TNRC6A: variants seen among roughly 807,000 people sequenced by gnomAD.
The protein encoded by TNRC6A is trinucleotide repeat-containing gene 6A protein.
TNRC6A carries 44 observed loss-of-function variants against 221.2 expected under a neutral mutation model. That is an observed-to-expected ratio of 0.20 (90% CI 0.16 to 0.26). TNRC6A has a LOEUF of 0.26. TNRC6A is among the 10% of genes least tolerant of loss of function. The pLI is 1.00. For missense variants in TNRC6A, 2,199 were observed against 2,404.4 expected, an observed-to-expected ratio of 0.91 and a Z score of 1.79; for synonymous variants, 847 against 838.5, an observed-to-expected ratio of 1.01 and a Z score of -0.18.
rs181542127 is a variant in TNRC6A, at chr16:24,626,873, C to G, written n.277-14011C>G. Among the ~76,000 whole-genome samples the G allele has an allele frequency of 6.2e-3, 931 of 151,044 alleles. 7 individuals carry two copies. The highest frequency in any genetic ancestry group is 0.022 in the African/African-American group (897 of 41,220). On this transcript the variant is annotated intron_variant and non_coding_transcript_variant, in intron 1 of 2. Transcript: ENST00000566108. ...TTCACCATGTTAGCCAGGAAGGTCT[C>G]GATCTCCTGACCTCGTGATCCACCC...
chr16:24,797,512 A>G lies in TNRC6A; in HGVS notation c.3584A>G (p.Lys1195Arg). 1.2e-6 allele frequency: 2 copies of G among 1,611,128 alleles called. No individual in the cohort carries two copies. The highest frequency in any genetic ancestry group is 1.7e-6 in the Non-Finnish European group (2 of 1,179,228). The change falls in exon 10 of 25, where the codon AAA (lysine) becomes AGA (arginine). Residue 1195 changes from lysine to arginine, a missense_variant. Transcript: ENST00000395799. ...RERGMMKGGN[K>R]QEEAWINPFV... ...AAGGGAATGATGAAAGGTGGAAACAAACAAGAAGAAGCGTGGATAAATCCA... is the reference window on the plus strand; with the variant it reads ...AAGGGAATGATGAAAGGTGGAAACAGACAAGAAGAAGCGTGGATAAATCCA...
chr16:24,731,425 C>G (rs2056639197), intron 2 of TNRC6A, among the ~76,000 whole-genome samples: 1 of 152,108 alleles, frequency 6.6e-6, no homozygotes, highest in Admixed American at 6.5e-5. Context: ...AGAATGTGTT[C>G]AGATGGTGAA....
At chr16:24,805,810 G>C in intron 15 of TNRC6A, 77 bp downstream of exon 15, 1 of 1,577,042 alleles carries the variant, frequency 6.3e-7, no homozygotes, top group Non-Finnish European at 8.7e-7. Context: ...CTCTGTGCGG[G>C]ACATAGTGCA....
intron 2 of TNRC6A, among the ~76,000 whole-genome samples, chr16:24,687,877 G>GAAGAAGAAGAAGAAGAAGA (rs1157825824): frequency 1.3e-5 from 2 of 150,054 alleles, no homozygotes; most frequent in Non-Finnish European, 3.0e-5. Context: ...AGAAGAAGAA[G>GAAGAAGAAGAAGAAGAAGA]AAGAAGCAGC....
intron 18 of TNRC6A, among the ~76,000 whole-genome samples, chr16:24,809,979 A>C (rs984820126): frequency 7.2e-5 from 11 of 152,030 alleles, no homozygotes; most frequent in Admixed American, 2.0e-4. Context: ...TGCCCGGCTA[A>C]TTTTTGTATT....
intron 21 of TNRC6A, chr16:24,819,456 CTCTG>C (rs2058721622): frequency 6.6e-6 from 1 of 151,432 alleles, no homozygotes; most frequent in South Asian, 2.1e-4. Flanking sequence ...TTCTTTCTCT[CTCTG>C]TCTTTCCTTC....
At chr16:24,685,199 A>G (rs1019098122) in intron 2 of TNRC6A, among the ~76,000 whole-genome samples, 6 of 152,182 alleles carry the variant, frequency 3.9e-5, no homozygotes, top group Non-Finnish European at 8.8e-5. Flanking sequence ...CATAGTGCTT[A>G]GCTTAGAGTA....
At chr16:24,708,670 C>T (rs921286494) in intron 2 of TNRC6A, among the ~76,000 whole-genome samples, 1 of 152,092 alleles carries the variant, frequency 6.6e-6, no homozygotes, top group Admixed American at 6.6e-5. Context: ...CCCTTCGAGT[C>T]CCCAGAGTCC....
chr16:24,613,115 CAAAAAAAAAA>C (rs553122873), intron 1 of TNRC6A, among the ~76,000 whole-genome samples: 2 of 55,682 alleles, frequency 3.6e-5, no homozygotes, highest in Non-Finnish European at 7.2e-5. Flanking sequence ...GACTCTGTCT[CAAAAAAAAAA>C]AAAAAAAAAA....
intron 2 of TNRC6A, among the ~76,000 whole-genome samples, chr16:24,705,205 A>T (rs2056072317): frequency 1.3e-5 from 2 of 152,194 alleles, no homozygotes. Flanking sequence ...CAAGGCACAG[A>T]GAGGCTAAGA....
chr16:24,751,176 G>A (rs2057128641), intron 3 of TNRC6A, among the ~76,000 whole-genome samples: 1 of 152,100 alleles, frequency 6.6e-6, no homozygotes, highest in Admixed American at 6.6e-5. Context: ...ATAGAATGGT[G>A]TGACTTTAGA....
intron 2 of TNRC6A, among the ~76,000 whole-genome samples, chr16:24,661,106 G>A (rs2055025962): frequency 6.6e-6 from 1 of 151,972 alleles, no homozygotes; most frequent in African/African-American, 2.4e-5. Flanking sequence ...AATAGCTTTA[G>A]GGGTACAGGT....
At chr16:24,635,222 T>C (rs923953587) in intron 1 of TNRC6A, among the ~76,000 whole-genome samples, 1 of 151,512 alleles carries the variant, frequency 6.6e-6, no homozygotes, top group African/African-American at 2.4e-5. Context: ...TGGAACTCTA[T>C]ACCCTTCATC....
chr16:24,682,288 G>A (rs909692307), intron 2 of TNRC6A, among the ~76,000 whole-genome samples: 2 of 151,546 alleles, frequency 1.3e-5, no homozygotes, highest in African/African-American at 4.9e-5. Flanking sequence ...GTGCAGTGGT[G>A]TGATCTCAGC....
At chr16:24,657,327 A>AC (rs2054933366) in intron 2 of TNRC6A, among the ~76,000 whole-genome samples, 2 of 144,640 alleles carry the variant, frequency 1.4e-5, no homozygotes, top group African/African-American at 2.6e-5. Context: ...CAAAAAAAAA[A>AC]AAAAAAAAAA....
At chr16:24,761,932 C>T (rs1040822924) in intron 4 of TNRC6A, among the ~76,000 whole-genome samples, 2 of 152,136 alleles carry the variant, frequency 1.3e-5, no homozygotes, top group East Asian at 3.9e-4. Context: ...TCTCTCCTGA[C>T]CTCTTTTTCC....
At position 24,777,106 on chromosome 16, in the gene TNRC6A, C is replaced by CCG; in HGVS notation, c.338_339insGC (p.Gln114HisfsTer37). The CCG allele has an allele frequency of 1.8e-6, 2 of 1,091,186 alleles. No homozygotes were observed. The highest frequency in any genetic ancestry group is 2.7e-5 in the East Asian group (1 of 36,754). 67.6% of individuals were successfully genotyped at this position (1,091,186 alleles called of 1,614,324 possible). ...GCAGCAGCAGCAGCCACAGCAGCAGCCACAGCCGCAGCCGCAGCAGCAGCA... is the reference window on the plus strand; with the variant it reads ...GCAGCAGCAGCAGCCACAGCAGCAGCCGCACAGCCGCAGCCGCAGCAGCAGCA... On this transcript the variant is annotated frameshift_variant, in exon 5 of 25. Transcript: ENST00000395799. LOFTEE classifies it high-confidence loss of function.
intron 22 of TNRC6A, among the ~76,000 whole-genome samples, chr16:24,820,806 G>A (rs552811532): frequency 1.3e-5 from 2 of 152,302 alleles, no homozygotes; most frequent in East Asian, 1.9e-4. Context: ...AGAAGGCCCC[G>A]GCAGTCTGGT....
At chr16:24,784,248 C>T (rs751890075) in intron 5 of TNRC6A, among the ~76,000 whole-genome samples, 2 of 152,174 alleles carry the variant, frequency 1.3e-5, no homozygotes, top group African/African-American at 2.4e-5. Flanking sequence ...TTGATCCTCC[C>T]GCCTCGGCCT....
Sources: allele counts gnomAD v4.1 joint callset (sites outside exome capture counted in the v4.1 genomes callset), GRCh38; gene constraint gnomAD v4.1.1; transcripts MANE v1.5; gene names NCBI Gene and HGNC (gene_info 2026-07-23, HGNC 2026-07-21).